The following ARHGEF1 variants were observed in gnomAD, a reference collection of about 807,000 sequenced individuals.
The protein encoded by ARHGEF1 is 115 kDa guanine nucleotide exchange factor.
ARHGEF1 carries 40 observed loss-of-function variants against 119.7 expected under a neutral mutation model. That is an observed-to-expected ratio of 0.33 (90% CI 0.26 to 0.44). The LOEUF (loss-of-function observed/expected upper bound fraction) is 0.44, where lower values mean the gene tolerates loss of function less well. Among genes scored for constraint, ARHGEF1 ranks in the 20% least tolerant of loss-of-function variants. The pLI, the probability that ARHGEF1 is intolerant of heterozygous loss-of-function variation, is 1.00. For synonymous variants in ARHGEF1, 494 were observed against 521.0 expected (o/e 0.95, Z 0.71); for missense variants, 976 against 1,268.3 (o/e 0.77, Z 3.50).
At position 41,903,761 on chromosome 19, in the gene ARHGEF1, G is replaced by A. The variant is rs1555849523; in HGVS notation, c.1894G>A (p.Asp632Asn). The change falls in exon 20 of 29, where the codon GAC (aspartate) becomes AAC (asparagine). Residue 632 changes from aspartate (D) to asparagine (N), a missense_variant. Coordinates refer to ENST00000354532, the MANE Select transcript of ARHGEF1 (RefSeq NM_004706.4). The surrounding 1 kb of genome is among the most constrained non-coding windows in gnomAD (Gnocchi z 4.2). ...CTTGTCCCACCTTCGGCAGAGCAGC[G>A]ACCCTATGCTGAGCGAGTTCAAGGT... ...LDLSHLRQSSDPMLSEFKNLD... is the reference protein window; with the variant it reads ...LDLSHLRQSSNPMLSEFKNLD... 3 of 1,612,910 alleles carry A rather than the reference G, an allele frequency of 1.9e-6. No individual in the cohort carries two copies. Among genetic ancestry groups the A allele is most frequent in the East Asian group, 2.2e-5 (1 of 44,892 alleles).
chr19:41,892,902 C>G lies in ARHGEF1; in HGVS notation c.614+53C>G. ...TCGCCCCTCCCCAGCACAAGGGCACCCGTGCTACCTCTGGCATGTTCCATC... is the reference window on the plus strand; with the variant it reads ...TCGCCCCTCCCCAGCACAAGGGCACGCGTGCTACCTCTGGCATGTTCCATC... On this transcript the variant is annotated intron_variant, in intron 7 of 28. Coordinates refer to ENST00000354532, the MANE Select transcript of ARHGEF1 (RefSeq NM_004706.4). The surrounding 1 kb of genome is among the most constrained non-coding windows in gnomAD (Gnocchi z 6.3). 20 of 1,445,648 alleles carry G rather than the reference C, an allele frequency of 1.4e-5. No homozygotes were observed. Among genetic ancestry groups the G allele is most frequent in the Non-Finnish European group, 1.8e-5 (20 of 1,100,138 alleles). The allele number at this position is 1,445,648 out of a possible 1,614,324, so 89.6% of individuals were successfully genotyped here.
chr19:41,902,529 G>A lies in ARHGEF1; in HGVS notation c.1498-4G>A, dbSNP rs150114788. Reference sequence around the variant, plus strand: ...ACACCTGCCTGGCCTGAATCTCGCTGTAGTTTGATGGTGCTGAGGGCTCCT... The same window carrying A: ...ACACCTGCCTGGCCTGAATCTCGCTATAGTTTGATGGTGCTGAGGGCTCCT... On this transcript the variant is annotated splice_polypyrimidine_tract_variant and splice_region_variant and intron_variant, in intron 16 of 28. Coordinates refer to ENST00000354532, the MANE Select transcript of ARHGEF1 (RefSeq NM_004706.4). This position sits in a 1 kb window ranked among gnomAD's most constrained non-coding sequence, Gnocchi z 6.5. 4.3e-6 allele frequency: 7 copies of A among 1,614,084 alleles called. No individual in the cohort carries two copies. The highest frequency in any genetic ancestry group is 4.0e-5 in the African/African-American group (3 of 75,058).
chr19:41,911,642 C>T (rs1474173688), downstream of ARHGEF1, among the ~76,000 whole-genome samples: 1 of 152,118 alleles, frequency 6.6e-6, no homozygotes, highest in Non-Finnish European at 1.5e-5. Context: ...GGGTCTTTCT[C>T]ACCTCCCATG....
Position 41,894,616 on chromosome 19 carries a change from C to T in ARHGEF1, c.842-10C>T. 1.2e-6 allele frequency: 2 copies of T among 1,614,086 alleles called. No homozygotes were observed. The highest frequency in any genetic ancestry group is 2.2e-5 in the East Asian group (1 of 44,876). On this transcript the variant is annotated splice_polypyrimidine_tract_variant and intron_variant, in intron 10 of 28. Coordinates refer to ENST00000354532, the MANE Select transcript of ARHGEF1 (RefSeq NM_004706.4). The stretch of plus-strand genomic sequence containing the variant: ...GCTCCCACTCACTGTCTCATTCTCT[C>T]TCGTTTCAGTTCCAGATTTTCGACA...
rs2074623668 is a variant in ARHGEF1, at chr19:41,902,688, AGG to A, written c.1623+32_1623+33del. ...GGTGGGGTCTGGACTCCAGCTTCCC[AGG>A]GAGGAGGGGCCTGGAGACCCAGACT... is the stretch of plus-strand genomic sequence containing the variant. On this transcript the variant is annotated intron_variant, in intron 17 of 28. Transcript: ENST00000354532. This position sits in a 1 kb window ranked among gnomAD's most constrained non-coding sequence, Gnocchi z 6.5. 6.2e-7 allele frequency: 1 copy of A among 1,613,538 alleles called. No individual in the cohort carries two copies. The highest frequency in any genetic ancestry group is 1.1e-5 in the South Asian group (1 of 91,082).
In ARHGEF1 at chr19:41,903,054, A is replaced by AC. The variant is rs1361518069; in HGVS notation, c.1738+160dup. Among the ~76,000 whole-genome samples, 2 of 149,794 alleles carry AC rather than the reference A, an allele frequency of 1.3e-5. No homozygotes were observed. The highest frequency in any genetic ancestry group is 2.1e-4 in the South Asian group (1 of 4,770). On this transcript the variant is annotated intron_variant, in intron 18 of 28. Coordinates refer to ENST00000354532, the MANE Select transcript of ARHGEF1 (RefSeq NM_004706.4). The surrounding 1 kb of genome is among the most constrained non-coding windows in gnomAD (Gnocchi z 4.2). The stretch of plus-strand genomic sequence containing the variant: ...CACCTCAGCTCCCCAAGTAGCTGGG[A>AC]CCCCAAGGGCACACCACCATGCCCA...
chr19:41,914,709 CATCTCT>C (rs1444470663), intron 18 of ARHGEF1, among the ~76,000 whole-genome samples: 2 of 15,602 alleles, frequency 1.3e-4, no homozygotes, highest in South Asian at 4.3e-3. Flanking sequence ...CCCCTTCCAC[CATCTCT>C]GTCTCTCCCT....
Position 41,906,135 on chromosome 19 carries a change from A to G in ARHGEF1, c.2491+110A>G. On this transcript the variant is annotated intron_variant, in intron 26 of 28. Coordinates refer to ENST00000354532, the MANE Select transcript of ARHGEF1 (RefSeq NM_004706.4). This position sits in a 1 kb window ranked among gnomAD's most constrained non-coding sequence, Gnocchi z 4.5. ...ATTTCCTTACGCCCAGCTGCCAGAAAACAAATGCTCCAAACCCACCCAGCC... is the reference window on the plus strand; with the variant it reads ...ATTTCCTTACGCCCAGCTGCCAGAAGACAAATGCTCCAAACCCACCCAGCC... The G allele has an allele frequency of 9.0e-7, 1 of 1,116,460 alleles. No individual in the cohort carries two copies. The highest frequency in any genetic ancestry group is 1.3e-6 in the Non-Finnish European group (1 of 766,356). 69.2% of individuals were successfully genotyped at this position (1,116,460 alleles called of 1,614,324 possible).
chr19:41,887,820 T>A (rs2074316391), intron 1 of ARHGEF1, among the ~76,000 whole-genome samples: 1 of 152,108 alleles, frequency 6.6e-6, no homozygotes, highest in African/African-American at 2.4e-5. Flanking sequence ...GACTCAGCCT[T>A]CCCATGGACC....
intron 13 of ARHGEF1, chr19:41,898,141 C>T: frequency 7.1e-7 from 1 of 1,401,258 alleles, no homozygotes; most frequent in Non-Finnish European, 9.2e-7. Context: ...CTTCCCCCAT[C>T]CACTAAGGCA....
At chr19:41,919,901 C>T (rs2074827868), upstream of ARHGEF1, among the ~76,000 whole-genome samples, 1 of 152,152 alleles carries the variant, frequency 6.6e-6, no homozygotes, top group African/African-American at 2.4e-5. Flanking sequence ...AGCTGAGCAC[C>T]ACACACGTCA....
rs150367153 is a variant in ARHGEF1 at position 41,887,335 on chromosome 19, C to T, written c.-19-729C>T. Among the ~76,000 whole-genome samples, 79 of 152,122 alleles carry T rather than the reference C, an allele frequency of 5.2e-4. No homozygotes were observed. The East Asian group carries it at 5.3e-3, about 10-fold the overall frequency. On this transcript the variant is annotated intron_variant, in intron 1 of 28. Transcript: ENST00000354532. Reference sequence around the variant, plus strand: ...ACAGACAGCCAAGGAGAGCTGGCTGCGGACAGACCAAGGCGCACGTAGGGT... The same window carrying T: ...ACAGACAGCCAAGGAGAGCTGGCTGTGGACAGACCAAGGCGCACGTAGGGT...
In ARHGEF1 at chr19:41,893,106, A is replaced by C. The variant is rs143868598; in HGVS notation, c.615-168A>C. On this transcript the variant is annotated intron_variant, in intron 7 of 28. Transcript: ENST00000354532. ...CTTGGATCCCATCCTCCTGGATGAG[A>C]GACCTCCCTCCCTCTTATGACAGTC... 6.0e-4 allele frequency: 633 copies of C among 1,047,700 alleles called. 2 individuals carry two copies. In the African/African-American group the frequency reaches 8.3e-3, roughly 14 times the overall value. The allele number at this position is 1,047,700 out of a possible 1,614,324, so 64.9% of individuals were successfully genotyped here. A position where few individuals can be genotyped will look rare whatever the true frequency, so the allele number is the denominator to read the frequency against.
rs782308420 is a variant in ARHGEF1 at position 41,894,666 on chromosome 19, T to G, written c.877+5T>G. ...ACCTCAAAGCAGAGGTTGATGGTAA[T>G]GTACCTGTAGCCATAGCATCCATAC... is the stretch of plus-strand genomic sequence containing the variant. On this transcript the variant is annotated splice_donor_5th_base_variant and intron_variant, in intron 11 of 28. Coordinates refer to ENST00000354532, the MANE Select transcript of ARHGEF1 (RefSeq NM_004706.4). 4 of 1,613,988 alleles carry G rather than the reference T, an allele frequency of 2.5e-6. No homozygotes were observed. The highest frequency in any genetic ancestry group is 3.4e-6 in the Non-Finnish European group (4 of 1,179,892).
chr19:41,884,417 G>C, intron 1 of ARHGEF1: 1 of 1,599,814 alleles, frequency 6.3e-7, no homozygotes. Context: ...GGCGGCAGGG[G>C]TGGGGAGAGT....
intron 2 of ARHGEF1, among the ~76,000 whole-genome samples, chr19:41,929,492 C>G (rs2074892456): frequency 6.6e-6 from 1 of 152,168 alleles, no homozygotes; most frequent in African/African-American, 2.4e-5. Flanking sequence ...AGTTCAGCTC[C>G]CGGCCGGCCG....
At chr19:41,909,490 T>G (rs1599670809), downstream of ARHGEF1, 1 of 1,250,226 alleles carries the variant, frequency 8.0e-7, no homozygotes, top group Non-Finnish European at 1.0e-6. The surrounding 1 kb of genome is among the most constrained non-coding windows in gnomAD (Gnocchi z 5.2). Flanking sequence ...AGAGTGGTGG[T>G]GTTGGGGAGG....
At chr19:41,921,071 G>C (rs756002465), upstream of ARHGEF1, among the ~76,000 whole-genome samples, 6 of 152,308 alleles carry the variant, frequency 3.9e-5, no homozygotes, top group Admixed American at 6.5e-5. The surrounding 1 kb of genome is among the most constrained non-coding windows in gnomAD (Gnocchi z 4.4). Flanking sequence ...GAGCGTCCCC[G>C]GGGAGGTGGG....
Position 41,894,209 on chromosome 19 carries a change from C to G in ARHGEF1, c.647C>G (p.Ala216Gly). ...CCCTCACTGTCCCTTCCCTACAGTG[C>G]TGCCGTGGTCAACGCCATTGGCCTG... ...HTISTDEEKS[A>G]AVVNAIGLYM... is the part of the protein sequence containing the mutation. The change falls in exon 9 of 29, where the codon GCT becomes GGT. Residue 216 changes from alanine (A) to glycine (G), a missense_variant and splice_region_variant. Transcript: ENST00000354532. 6.5e-7 allele frequency: 1 copy of G among 1,528,582 alleles called. No homozygotes were observed. The highest frequency in any genetic ancestry group is 8.8e-7 in the Non-Finnish European group (1 of 1,136,028). 94.7% of individuals were successfully genotyped at this position (1,528,582 alleles called of 1,614,324 possible).
Sources: gnomAD v4.1 joint callset for allele counts (sites outside exome capture counted in the v4.1 genomes callset) on GRCh38, gnomAD v4.1.1 for gene constraint, Gnocchi (gnomAD v3.1) non-coding constraint, MANE v1.5 for transcripts, NCBI Gene and HGNC (gene_info 2026-07-23, HGNC 2026-07-21) for gene names.